Variants in DNMBP observed in about 807,000 individuals in gnomAD.
DNMBP encodes dynamin-binding protein.
A neutral mutation model predicts 150.0 loss-of-function variants in DNMBP; 87 were observed. The observed-to-expected ratio is 0.58, with a 90% confidence interval of 0.49 to 0.69. The LOEUF (loss-of-function observed/expected upper bound fraction) is 0.69, where lower values mean the gene tolerates loss of function less well. DNMBP is among the 30% of genes least tolerant of loss of function. The probability of loss-of-function intolerance (pLI) is 0.00; values close to 1 mark genes in which losing one functional copy is unlikely to be tolerated. For synonymous variants in DNMBP, 711 were observed against 750.4 expected (o/e 0.95, Z 0.86); for missense variants, 1,774 against 1,949.0 (o/e 0.91, Z 1.69).
intron 11 of DNMBP, among the ~76,000 whole-genome samples, chr10:99,892,253 G>C (rs2039583888): frequency 6.7e-6 from 1 of 150,318 alleles, no homozygotes; most frequent in African/African-American, 2.5e-5. Context: ...CCGTCTGGGA[G>C]GTGTGCCCAA....
At chr10:99,968,360 C>T (rs1028176292) in intron 3 of DNMBP, among the ~76,000 whole-genome samples, 1 of 151,962 alleles carries the variant, frequency 6.6e-6, no homozygotes, top group Non-Finnish European at 1.5e-5. Flanking sequence ...GCCCACGCCC[C>T]GTATCAGTTT....
chr10:99,984,806 C>A (rs942019169), intron 1 of DNMBP, among the ~76,000 whole-genome samples: 1 of 152,206 alleles, frequency 6.6e-6, no homozygotes, highest in Non-Finnish European at 1.5e-5. Flanking sequence ...CGGCTCACTG[C>A]AGCCTTGACC....
rs765516387 is a variant in DNMBP at position 99,896,335 on chromosome 10, G to A, written c.2983C>T (p.His995Tyr). The A allele has an allele frequency of 6.2e-7, 1 of 1,614,012 alleles. No individual in the cohort carries two copies. Among genetic ancestry groups the A allele is most frequent in the Non-Finnish European group, 8.5e-7 (1 of 1,179,928 alleles). The change falls in exon 10 of 17, where the codon CAC (histidine) becomes TAC (tyrosine). Residue 995 changes from histidine (H) to tyrosine (Y), a missense_variant. This residue lies in a region of DNMBP where 1,430 missense variants were observed against 1,492.5 expected (regional missense o/e 0.96). Transcript: ENST00000324109. ...CGGTTGGATTTCTTGATGATGGAGTGGATGTTCAGTTTGGAAATTTTCTCC... is the reference window on the plus strand; with the variant it reads ...CGGTTGGATTTCTTGATGATGGAGTAGATGTTCAGTTTGGAAATTTTCTCC... Reference protein sequence around the residue: ...LMEKISKLNIHSIIKKSNRVS... With the variant: ...LMEKISKLNIYSIIKKSNRVS...
At position 99,879,864 on chromosome 10, in the gene DNMBP, C is replaced by G; in HGVS notation, c.4495G>C (p.Ala1499Pro). 3.7e-6 allele frequency: 6 copies of G among 1,614,228 alleles called. No individual in the cohort carries two copies. The highest frequency in any genetic ancestry group is 5.1e-6 in the Non-Finnish European group (6 of 1,180,040). The change falls in exon 16 of 17, where the codon GCT (alanine) becomes CCT (proline). Residue 1499 changes from alanine (A) to proline (P), a missense_variant. Coordinates refer to ENST00000324109, the MANE Select transcript of DNMBP (RefSeq NM_015221.4). ...LVKGCARTAQAPEDRSTEPDG... is the reference protein window; with the variant it reads ...LVKGCARTAQPPEDRSTEPDG... ...GGCTCTGTACTTCTGTCTTCCGGAG[C>G]CTGGGCTGTTCTTGCACATCCTTTG...
In DNMBP at chr10:99,876,073, T is replaced by TA. The variant is rs1210734681; in HGVS notation, c.*1077dup. On this transcript the variant is annotated 3_prime_UTR_variant, in exon 17 of 17. Transcript: ENST00000324109. The stretch of plus-strand genomic sequence containing the variant: ...TGTTGTCTGCATCTATGGATGTAAC[T>TA]AAACAGTCATTAGGGTGCTTGGATG... 1 of 152,228 alleles carries TA rather than the reference T, an allele frequency of 6.6e-6. No individual in the cohort carries two copies. 9.4% of individuals were successfully genotyped at this position (152,228 alleles called of 1,614,324 possible). A position where few individuals can be genotyped will look rare whatever the true frequency, so the allele number is the denominator to read the frequency against.
chr10:99,999,142 C>T (rs764877125), intron 1 of DNMBP, among the ~76,000 whole-genome samples: 3 of 152,178 alleles, frequency 2.0e-5, no homozygotes, highest in South Asian at 2.1e-4. Flanking sequence ...GAGTTAGTCT[C>T]GCATACCCTG....
intron 1 of DNMBP, among the ~76,000 whole-genome samples, chr10:100,005,911 A>T (rs568623281): frequency 1.3e-5 from 2 of 152,362 alleles, no homozygotes; most frequent in East Asian, 3.9e-4. Flanking sequence ...TTAAGAATGA[A>T]CACCTGTGAG....
chr10:99,936,498 C>T (rs2040232778), intron 4 of DNMBP, among the ~76,000 whole-genome samples: 1 of 149,434 alleles, frequency 6.7e-6, no homozygotes, highest in Admixed American at 6.7e-5. Flanking sequence ...GAACCCTTTA[C>T]TGAAGATTTC....
chr10:99,983,335 G>A (rs765389338), intron 1 of DNMBP, among the ~76,000 whole-genome samples: 2 of 152,280 alleles, frequency 1.3e-5, no homozygotes, highest in East Asian at 3.9e-4. Context: ...ACAACACGAA[G>A]GCTAAATGAG....
chr10:100,006,775 C>T (rs1182072316), intron 1 of DNMBP, among the ~76,000 whole-genome samples: 1 of 151,942 alleles, frequency 6.6e-6, no homozygotes, highest in African/African-American at 2.4e-5. Context: ...GGAACATGCT[C>T]ATCCCACTGC....
At chr10:99,947,172 G>C (rs919486097) in intron 4 of DNMBP, among the ~76,000 whole-genome samples, 1 of 152,094 alleles carries the variant, frequency 6.6e-6, no homozygotes, top group African/African-American at 2.4e-5. Flanking sequence ...TTTCTTAAGG[G>C]GCTAAAAGTA....
intron 11 of DNMBP, chr10:99,889,422 T>A (rs2039522992): frequency 6.5e-6 from 1 of 153,088 alleles, no homozygotes; most frequent in Non-Finnish European, 1.5e-5. Flanking sequence ...CCTGCTGTGC[T>A]GCTTCCTTTT....
chr10:99,993,412 A>T lies in DNMBP; in HGVS notation c.-11+16426T>A, dbSNP rs571216244. Among the ~76,000 whole-genome samples, 3 of 152,334 alleles carry T rather than the reference A, an allele frequency of 2.0e-5. No individual in the cohort carries two copies. In the South Asian group the frequency reaches 6.2e-4, roughly 32 times the overall value. On this transcript the variant is annotated intron_variant, in intron 1 of 16. Transcript: ENST00000324109. ...TATACTAAAAACCACTGAATTATAT[A>T]CTTTTAAAAGGTGAATTTTATGGTA...
intron 11 of DNMBP, chr10:99,889,461 CAT>C (rs1310120035): frequency 6.5e-6 from 1 of 153,056 alleles, no homozygotes; most frequent in East Asian, 1.9e-4. Context: ...TACTCTCTCA[CAT>C]GATTAGAATT....
intron 3 of DNMBP, among the ~76,000 whole-genome samples, chr10:99,963,044 T>C (rs867887678): frequency 1.3e-5 from 2 of 152,218 alleles, no homozygotes; most frequent in African/African-American, 2.4e-5. Context: ...TTTAGTTCAA[T>C]ACCCTTTTTA....
At chr10:99,969,055 G>A (rs1364834354) in intron 3 of DNMBP, 60 bp downstream of exon 3, 19 of 1,599,404 alleles carry the variant, frequency 1.2e-5, no homozygotes, top group South Asian at 1.0e-4. Flanking sequence ...TCTGGTTGTC[G>A]AAACGGGCAG....
intron 1 of DNMBP, among the ~76,000 whole-genome samples, chr10:100,002,285 T>C (rs1444169785): frequency 6.6e-6 from 1 of 151,428 alleles, no homozygotes; most frequent in Non-Finnish European, 1.5e-5. Flanking sequence ...TAAAGAGGTA[T>C]AATTTCACAA....
intron 4 of DNMBP, among the ~76,000 whole-genome samples, chr10:99,910,229 C>T (rs2039882957): frequency 6.6e-6 from 1 of 152,248 alleles, no homozygotes; most frequent in African/African-American, 2.4e-5. Flanking sequence ...ACACTTTCCA[C>T]ACTGCTTTCT....
chr10:99,951,386 G>A (rs1393958479), intron 4 of DNMBP, among the ~76,000 whole-genome samples: 1 of 152,188 alleles, frequency 6.6e-6, no homozygotes, highest in Non-Finnish European at 1.5e-5. Context: ...GGAGCTGTGA[G>A]AAGAGGGCCA....
Sources: allele counts gnomAD v4.1 joint callset (sites outside exome capture counted in the v4.1 genomes callset), GRCh38; gene constraint gnomAD v4.1.1; regional missense constraint gnomAD v4.1.1; transcripts MANE v1.5; gene names NCBI Gene and HGNC (gene_info 2026-07-23, HGNC 2026-07-21).